ATPAF1: variants seen among roughly 807,000 people sequenced by gnomAD.
ATPAF1 encodes ATP synthase mitochondrial F1 complex assembly factor 1, also known as homolog of yeast ATP11.
In ATPAF1, 26 loss-of-function variants were observed where a neutral mutation model predicts 43.9. The ratio of observed to expected loss-of-function variants is 0.59; its 90% confidence interval spans 0.43 to 0.82. ATPAF1 has a LOEUF of 0.82. ATPAF1 is among the 40% of genes least tolerant of loss of function. The pLI is 0.00. For missense variants in ATPAF1, 366 were observed against 435.0 expected (o/e 0.84, Z 1.41); for synonymous variants, 157 against 168.0 (o/e 0.93, Z 0.50).
At chr1:46,633,799 G>A (rs1675791156), downstream of ATPAF1, 1 of 456,106 alleles carries the variant, frequency 2.2e-6, no homozygotes, top group Non-Finnish European at 4.4e-6. Flanking sequence ...GTGTATCAAT[G>A]TACTATGTAT....
chr1:46,653,691 C>G lies in ATPAF1; in HGVS notation c.540+126G>C. The G allele has an allele frequency of 3.8e-6, 3 of 787,734 alleles. No individual in the cohort carries two copies. The highest frequency in any genetic ancestry group is 1.8e-5 in the African/African-American group (1 of 56,070). 48.8% of individuals were successfully genotyped at this position (787,734 alleles called of 1,614,324 possible). ...GTGCTCAGGGCATAATAAAAACTCTCAGGGCTGTAAAATGCAGCTTCTCAA... is the reference window on the plus strand; with the variant it reads ...GTGCTCAGGGCATAATAAAAACTCTGAGGGCTGTAAAATGCAGCTTCTCAA... On this transcript the variant is annotated intron_variant, in intron 5 of 8. Coordinates refer to ENST00000574428, the Ensembl canonical transcript of ATPAF1. This position sits in a 1 kb window ranked among gnomAD's most constrained non-coding sequence, Gnocchi z 4.8.
chr1:46,641,783 A>G (rs1441463847), intron 8 of ATPAF1, among the ~76,000 whole-genome samples: 2 of 151,912 alleles, frequency 1.3e-5, no homozygotes, highest in Non-Finnish European at 2.9e-5. Flanking sequence ...TTCCTTCTTA[A>G]TCTTTGCTGA....
intron 1 of ATPAF1, 106 bp downstream of exon 1, chr1:46,667,951 C>G (rs560830851): frequency 6.3e-5 from 56 of 890,052 alleles, no homozygotes; most frequent in Non-Finnish European, 7.7e-5. Context: ...ATCTGAAGAG[C>G]TGGGACAGTA....
chr1:46,663,997 G>C, intron 2 of ATPAF1: 2 of 913,246 alleles, frequency 2.2e-6, no homozygotes, highest in Non-Finnish European at 3.0e-6. Flanking sequence ...TTTAAAAGAT[G>C]AAAGAGAATA....
intron 8 of ATPAF1, among the ~76,000 whole-genome samples, chr1:46,637,720 A>T (rs770218949): frequency 2.0e-5 from 3 of 152,200 alleles, no homozygotes; most frequent in Non-Finnish European, 2.9e-5. Context: ...AATCTCTGAG[A>T]CTGCATCTTC....
chr1:46,661,710 T>A (rs1676390277), intron 2 of ATPAF1, among the ~76,000 whole-genome samples: 1 of 152,096 alleles, frequency 6.6e-6, no homozygotes. Context: ...GAGTCCCATG[T>A]GGTGGGGAAC....
chr1:46,666,978 G>A (rs1208413326), intron 1 of ATPAF1, among the ~76,000 whole-genome samples: 2 of 152,222 alleles, frequency 1.3e-5, no homozygotes, highest in Admixed American at 6.5e-5. Context: ...AGATCAACGA[G>A]AGAAGCCTGG....
exon 9 of ATPAF1, chr1:46,635,892 C>T (rs1675828929): frequency 6.2e-7 from 1 of 1,614,146 alleles, no homozygotes; most frequent in Non-Finnish European, 8.5e-7. Flanking sequence ...AAGGTCTCCA[C>T]TAACCCGTAG....
At chr1:46,652,591 G>C in exon 6 of ATPAF1, 1 of 1,613,348 alleles carries the variant, frequency 6.2e-7, no homozygotes, top group Non-Finnish European at 8.5e-7. Context: ...TGTTGGACAG[G>C]ACTGAGCCCG....
At chr1:46,646,933 C>T (rs769390363) in intron 6 of ATPAF1, among the ~76,000 whole-genome samples, 28 of 152,134 alleles carry the variant, frequency 1.8e-4, no homozygotes, top group Non-Finnish European at 3.7e-4. Context: ...TTTGTAAAAA[C>T]GGAACCACAA....
intron 8 of ATPAF1, among the ~76,000 whole-genome samples, chr1:46,638,478 T>C (rs749850557): frequency 6.6e-6 from 1 of 151,832 alleles, no homozygotes; most frequent in South Asian, 2.1e-4. Flanking sequence ...CAAAATTAGC[T>C]GGGCGTGGTG....
chr1:46,643,336 G>T, intron 7 of ATPAF1, 35 bp from the exon 8 acceptor site: 1 of 1,516,712 alleles, frequency 6.6e-7, no homozygotes, highest in Non-Finnish European at 9.1e-7. Context: ...GCTCAATAAG[G>T]TACCATCACA....
rs1286966927 is a variant in ATPAF1 at position 46,635,528 on chromosome 1, T to C, written c.*248A>G. 1.1e-4 allele frequency: 51 copies of C among 483,020 alleles called. No individual in the cohort carries two copies. The Admixed American group carries it at 1.8e-3, about 17-fold the overall frequency. 29.9% of individuals were successfully genotyped at this position (483,020 alleles called of 1,614,324 possible). A position where few individuals can be genotyped will look rare whatever the true frequency, so the allele number is the denominator to read the frequency against. On this transcript the variant is annotated 3_prime_UTR_variant, in exon 9 of 9. Transcript: ENST00000574428. ...CTTGTAGGTCCTTGGCTGTCTCTTGTTATAACCTCGAACACTTAAAAAAGG... is the reference window on the plus strand; with the variant it reads ...CTTGTAGGTCCTTGGCTGTCTCTTGCTATAACCTCGAACACTTAAAAAAGG...
At chr1:46,660,620 A>G (rs576827141) in intron 2 of ATPAF1, among the ~76,000 whole-genome samples, 2 of 152,322 alleles carry the variant, frequency 1.3e-5, no homozygotes, top group South Asian at 2.1e-4. Context: ...AAAATGAGAA[A>G]AATAAGAGTG....
chr1:46,639,933 C>T (rs1475929345), intron 8 of ATPAF1, among the ~76,000 whole-genome samples: 1 of 152,182 alleles, frequency 6.6e-6, no homozygotes, highest in Non-Finnish European at 1.5e-5. Flanking sequence ...CAGAATGGGC[C>T]TCCTCTGACC....
At chr1:46,643,104 T>A (rs1364845603) in intron 8 of ATPAF1, 90 bp downstream of exon 8, 3 of 1,059,862 alleles carry the variant, frequency 2.8e-6, no homozygotes, top group Non-Finnish European at 4.2e-6. Flanking sequence ...TGTAGCTCTT[T>A]GAAATTTTCT....
intron 1 of ATPAF1, 53 bp from the exon 2 acceptor site, chr1:46,665,417 A>G: frequency 1.9e-6 from 3 of 1,548,694 alleles, no homozygotes; most frequent in Non-Finnish European, 2.7e-6. Flanking sequence ...TGAATTCTAA[A>G]ATAACAAAGC....
intron 6 of ATPAF1, 69 bp from the exon 7 acceptor site, chr1:46,645,325 G>A (rs1557927503): frequency 1.7e-6 from 2 of 1,196,988 alleles, no homozygotes; most frequent in South Asian, 1.3e-5. Flanking sequence ...CCAACCACCT[G>A]TAACATTCAT....
At chr1:46,634,033 A>G, downstream of ATPAF1, 1 of 355,642 alleles carries the variant, frequency 2.8e-6, no homozygotes, top group Non-Finnish European at 5.5e-6. Context: ...CAACCTTTAG[A>G]GAAATAGTGA....
Sources: gnomAD v4.1 joint callset for allele counts (sites outside exome capture counted in the v4.1 genomes callset) on GRCh38, gnomAD v4.1.1 for gene constraint, Gnocchi (gnomAD v3.1) non-coding constraint, MANE v1.5 for transcripts, NCBI Gene and HGNC (gene_info 2026-07-23, HGNC 2026-07-21) for gene names.